COL5A2: variants seen among roughly 807,000 people sequenced by gnomAD.
COL5A2 encodes the protein collagen type V alpha 2 chain, also known as collagen alpha-2(V) chain.
COL5A2 carries 23 observed loss-of-function variants against 208.2 expected under a neutral mutation model. The observed-to-expected ratio is 0.11, with a 90% CI of 0.08 to 0.16. The LOEUF is 0.16. COL5A2 is among the 10% of genes least tolerant of loss of function. The pLI is 1.00. For synonymous variants in COL5A2, 625 were observed against 628.5 expected (o/e 0.99, Z 0.08); for missense variants, 1,590 against 1,956.4 (o/e 0.81, Z 3.53).
chr2:189,134,889 G>C (rs564840233), intron 1 of COL5A2, among the ~76,000 whole-genome samples: 1 of 152,238 alleles, frequency 6.6e-6, no homozygotes, highest in African/African-American at 2.4e-5. Flanking sequence ...TTTTTCATTA[G>C]TAACAACATT....
chr2:189,436,920 C>T, the COL5A2 span, among the ~76,000 whole-genome samples: 1 of 152,022 alleles, frequency 6.6e-6, no homozygotes, highest in South Asian at 2.1e-4. Flanking sequence ...GTGCCTAGGT[C>T]ATGGGTTGAT....
intron 1 of COL5A2, among the ~76,000 whole-genome samples, chr2:189,217,860 C>T (rs913812035): frequency 1.6e-4 from 25 of 152,064 alleles, no homozygotes; most frequent in Admixed American, 5.2e-4. Flanking sequence ...CGAGGTGTCC[C>T]GCAGAGTTCA....
At chr2:189,406,922 A>T in the COL5A2 span, among the ~76,000 whole-genome samples, 1 of 152,136 alleles carries the variant, frequency 6.6e-6, no homozygotes, top group Non-Finnish European at 1.5e-5. Context: ...ATCACTTCCT[A>T]TAAACTAAAA....
chr2:189,429,386 C>A, the COL5A2 span, among the ~76,000 whole-genome samples: 5 of 152,182 alleles, frequency 3.3e-5, no homozygotes, highest in African/African-American at 1.2e-4. Context: ...GGTTCACATA[C>A]CCTCTCTAAT....
rs1447227601 is a variant in COL5A2 at position 189,033,486 on chromosome 2, T to A, written c.*584A>T. The stretch of plus-strand genomic sequence containing the variant: ...TTTAAGACAGTGAGAAACGTTTTTT[T>A]TTTTTTAAGATTCTCCTTAAAGAGT... On this transcript the variant is annotated 3_prime_UTR_variant, in exon 54 of 54. Transcript: ENST00000374866. The A allele has an allele frequency of 1.3e-5, 2 of 152,982 alleles. No individual in the cohort carries two copies. Among genetic ancestry groups the A allele is most frequent in the African/African-American group, 4.8e-5 (2 of 41,444 alleles). The allele number at this position is 152,982 out of a possible 1,614,324, so 9.5% of individuals were successfully genotyped here.
chr2:189,325,846 T>C, the COL5A2 span, among the ~76,000 whole-genome samples: 1 of 152,010 alleles, frequency 6.6e-6, no homozygotes, highest in African/African-American at 2.4e-5. Flanking sequence ...CCTGTAATCC[T>C]AGCAATTTGG....
At chr2:189,319,708 T>C in the COL5A2 span, among the ~76,000 whole-genome samples, 1 of 152,220 alleles carries the variant, frequency 6.6e-6, no homozygotes, top group Non-Finnish European at 1.5e-5. Context: ...TCAAGGAGGC[T>C]GGCCTGCTCT....
At chr2:189,070,680 T>G (rs993157313) in intron 18 of COL5A2, among the ~76,000 whole-genome samples, 3 of 152,154 alleles carry the variant, frequency 2.0e-5, no homozygotes, top group African/African-American at 7.2e-5. Flanking sequence ...TGCTAATTCA[T>G]AGATTTGTGA....
intron 14 of COL5A2, 136 bp from the exon 15 acceptor site, chr2:189,079,243 ATGT>A (rs1686480818): frequency 1.4e-6 from 1 of 711,254 alleles, no homozygotes; most frequent in African/African-American, 1.8e-5. Flanking sequence ...GGATCTCAGA[ATGT>A]TGTTTTATTA....
chr2:189,415,006 GAAGC>G, the COL5A2 span, among the ~76,000 whole-genome samples: 68 of 152,180 alleles, frequency 4.5e-4, 1 homozygote, highest in African/African-American at 1.6e-3. Flanking sequence ...CTATTAATAA[GAAGC>G]ATTAGTGAAC....
At chr2:189,302,034 G>A in the COL5A2 span, among the ~76,000 whole-genome samples, 3 of 151,982 alleles carry the variant, frequency 2.0e-5, no homozygotes, top group Non-Finnish European at 4.4e-5. Context: ...ACTTTTCTAC[G>A]AATTTCCTCA....
chr2:189,278,179 T>A, the COL5A2 span, among the ~76,000 whole-genome samples: 1 of 152,158 alleles, frequency 6.6e-6, no homozygotes, highest in African/African-American at 2.4e-5. Flanking sequence ...CTTCTCTCGA[T>A]AAGCTGAACC....
At position 189,068,017 on chromosome 2, in the gene COL5A2, G is replaced by A. The variant is rs758078203; in HGVS notation, c.1399C>T (p.Pro467Ser). ...ATAGTTCTTTCAAAGGTCATTACCG[G>A]TTGGCCTCGAATTCCCTGAGGACCA... ...STGPQGIRGQ[P>S]GDPGVPGFKG... The change falls in exon 21 of 54, where the codon CCG becomes TCG. Residue 467 changes from proline (P) to serine (S), a missense_variant and splice_region_variant. By Grantham distance (74) the Pro-to-Ser change is moderately conservative (BLOSUM62 -1). Transcript: ENST00000374866. The A allele has an allele frequency of 6.8e-6, 11 of 1,612,896 alleles. No individual in the cohort carries two copies. The East Asian group carries it at 1.3e-4, about 20-fold the overall frequency.
At chr2:189,388,354 T>C in the COL5A2 span, among the ~76,000 whole-genome samples, 1 of 151,852 alleles carries the variant, frequency 6.6e-6, no homozygotes, top group East Asian at 1.9e-4. Flanking sequence ...GACAGGAAGG[T>C]AAAGATCCAC....
intron 18 of COL5A2, among the ~76,000 whole-genome samples, chr2:189,069,698 TAA>T (rs1686228095): frequency 6.6e-6 from 1 of 152,188 alleles, no homozygotes; most frequent in Admixed American, 6.5e-5. Flanking sequence ...AAACTCACTG[TAA>T]AAAGTCTATA....
the COL5A2 span, among the ~76,000 whole-genome samples, chr2:189,409,176 A>G: frequency 3.4e-5 from 5 of 148,324 alleles, no homozygotes; most frequent in African/African-American, 1.2e-4. Context: ...AAAAAGCCTG[A>G]CATTTTATAG....
the COL5A2 span, among the ~76,000 whole-genome samples, chr2:189,337,523 C>G: frequency 4.1e-4 from 62 of 152,234 alleles, no homozygotes; most frequent in African/African-American, 1.3e-3. Flanking sequence ...TTTCAATTAC[C>G]AGTACTATAA....
chr2:189,093,283 G>A (rs776296251), intron 6 of COL5A2, among the ~76,000 whole-genome samples: 3 of 152,128 alleles, frequency 2.0e-5, no homozygotes, highest in Non-Finnish European at 4.4e-5. Flanking sequence ...ATCTTGAAAG[G>A]CTTCAAAAAG....
chr2:189,309,604 C>CTTTT, the COL5A2 span, among the ~76,000 whole-genome samples: 6 of 152,234 alleles, frequency 3.9e-5, no homozygotes, highest in Non-Finnish European at 8.8e-5. Context: ...ATTTTACTTC[C>CTTTT]TTTTGTTCCT....
Sources: gnomAD v4.1 joint callset for allele counts (sites outside exome capture counted in the v4.1 genomes callset) on GRCh38, gnomAD v4.1.1 for gene constraint, MANE v1.5 for transcripts, NCBI Gene and HGNC (gene_info 2026-07-23, HGNC 2026-07-21) for gene names.